Variants in PER1 observed in about 807,000 individuals in gnomAD.
The protein encoded by PER1 is period circadian regulator 1.
A neutral mutation model predicts 125.9 loss-of-function variants in PER1; 87 were observed. The observed-to-expected ratio is 0.69, with a 90% CI of 0.58 to 0.83. The LOEUF is 0.83. Ranked by LOEUF, PER1 falls within the 40% of genes least tolerant of loss-of-function variation. PER1 has a pLI of 0.00. For missense variants in PER1, 1,775 were observed against 1,722.8 expected, an observed-to-expected ratio of 1.03 and a Z score of -0.54; for synonymous variants, 801 against 714.7, an observed-to-expected ratio of 1.12 and a Z score of -1.93.
rs1340335798 is a variant in PER1 at position 8,141,814 on chromosome 17, A to G, written c.3591T>C (p.Leu1197=). 3.1e-6 allele frequency: 5 copies of G among 1,600,352 alleles called. No homozygotes were observed. Among genetic ancestry groups the G allele is most frequent in the Non-Finnish European group, 8.5e-7 (1 of 1,173,660 alleles). Residue 1197 remains leucine (L), a synonymous_variant, in exon 22 of 23, where the codon CTT becomes CTC. Transcript: ENST00000317276. ...CCCAGGCTTCTCTCACCATCACATC[A>G]AGAGCCCGAGGCAGTTGGCCCTTCC... is the stretch of plus-strand genomic sequence containing the variant. ...WVRKGQLPRA[L]DVMACVDCGS...
intron 17 of PER1, 107 bp downstream of exon 17, chr17:8,145,851 G>A: frequency 1.4e-5 from 18 of 1,281,100 alleles, no homozygotes; most frequent in Non-Finnish European, 1.9e-5. Flanking sequence ...GTCAAGGGAG[G>A]CCTCCTTCTC....
chr17:8,151,221 G>A (rs1046947738), intron 1 of PER1, among the ~76,000 whole-genome samples: 1 of 152,230 alleles, frequency 6.6e-6, no homozygotes, highest in Admixed American at 6.5e-5. Context: ...AGGCCTCCAG[G>A]CTAATTTTAT....
At chr17:8,148,148 G>T in intron 9 of PER1, 33 bp downstream of exon 9, 1 of 1,612,000 alleles carries the variant, frequency 6.2e-7, no homozygotes, top group Non-Finnish European at 8.5e-7. Context: ...CTCAGCCCTG[G>T]CTGCCCTCGT....
chr17:8,151,592 C>A (rs1982867225), intron 1 of PER1, among the ~76,000 whole-genome samples: 2 of 152,192 alleles, frequency 1.3e-5, no homozygotes, highest in Admixed American at 6.5e-5. Flanking sequence ...AAAAGCCCCT[C>A]AACCTGACTC....
rs1982015460 is a variant in PER1, at chr17:8,140,507, CAG to C, written c.*559_*560del. On this transcript the variant is annotated 3_prime_UTR_variant, in exon 23 of 23. Transcript: ENST00000317276. The stretch of plus-strand genomic sequence containing the variant: ...TCTTTTTGTATTAAAAAAGTAGTAA[CAG>C]ACACAAATATCAAAAACACAAATGC... The C allele has an allele frequency of 4.8e-6, 1 of 208,306 alleles. No individual in the cohort carries two copies. Among genetic ancestry groups the C allele is most frequent in the Non-Finnish European group, 9.8e-6 (1 of 102,058 alleles). The allele number at this position is 208,306 out of a possible 1,614,324, so 12.9% of individuals were successfully genotyped here. A position where few individuals can be genotyped will look rare whatever the true frequency, so the allele number is the denominator to read the frequency against.
chr17:8,150,147 AAG>A (rs1415930206), intron 3 of PER1, 22 bp from the exon 4 acceptor site: 2 of 1,612,528 alleles, frequency 1.2e-6, no homozygotes, highest in East Asian at 2.2e-5. Flanking sequence ...ACAGGGAAGA[AAG>A]AGATAAAGAC....
In PER1 at chr17:8,150,581, G is replaced by A. The variant is rs144136840; in HGVS notation, c.126C>T (p.Ala42=). 8.7e-6 allele frequency: 14 copies of A among 1,613,952 alleles called. No homozygotes were observed. The highest frequency in any genetic ancestry group is 4.5e-5 in the East Asian group (2 of 44,896). ...QHRPCPGPSL[A]DDTDANSNGS... is the part of the protein sequence containing the mutation. The stretch of plus-strand genomic sequence containing the variant: ...CATTGCTGTTGGCATCGGTGTCATC[G>A]GCCAGGCTGGGGCCTGGGCAAGGCC... The change falls in exon 2 of 23, where the codon GCC becomes GCT. Residue 42 remains alanine (A), a synonymous_variant. Coordinates refer to ENST00000317276, the MANE Select transcript of PER1 (RefSeq NM_002616.3).
chr17:8,148,353 G>T, intron 8 of PER1, 94 bp from the exon 9 acceptor site: 1 of 1,079,750 alleles, frequency 9.3e-7, no homozygotes, highest in Non-Finnish European at 1.4e-6. Context: ...CTGATGATCT[G>T]CCACACAGCT....
Position 8,150,443 on chromosome 17 carries a change from C to A in PER1, c.264G>T (p.Glu88Asp). Residue 88 changes from glutamate to aspartate, a missense_variant, in exon 2 of 23, where the codon GAG (glutamate) becomes GAT (aspartate). Physicochemically the swap from Glu to Asp is conservative, Grantham distance 45. Transcript: ENST00000317276. ...GKDSALLETT[E>D]SSKSTNSQSP... ...ACATCCATACACACCTCTTGCTGCT[C>A]TCAGTGGTCTCCAGCAGGGCTGAGT... is the stretch of plus-strand genomic sequence containing the variant. 1 of 1,611,728 alleles carries A rather than the reference C, an allele frequency of 6.2e-7. No individual in the cohort carries two copies. The highest frequency in any genetic ancestry group is 8.5e-7 in the Non-Finnish European group (1 of 1,178,676).
chr17:8,149,941 G>T, intron 4 of PER1, 30 bp downstream of exon 4: 1 of 1,613,948 alleles, frequency 6.2e-7, no homozygotes. Flanking sequence ...CCCAGGCCCA[G>T]GCCATTCCCT....
rs60114926 is a variant in PER1 at position 8,151,043 on chromosome 17, G to A, written c.-139-198C>T. On this transcript the variant is annotated intron_variant, in intron 1 of 22. Transcript: ENST00000317276. ...GACTGCCAGCGGGAGAAGGTTCTCCGGGGCCTTCCTTCACATCCCCTGCCA... is the reference window on the plus strand; with the variant it reads ...GACTGCCAGCGGGAGAAGGTTCTCCAGGGCCTTCCTTCACATCCCCTGCCA... 7.7e-3 allele frequency among the ~76,000 whole-genome samples: 1,166 copies of A among 152,244 alleles called. 22 individuals are homozygous for A. The highest frequency in any genetic ancestry group is 0.026 in the African/African-American group (1,100 of 41,548).
Position 8,147,247 on chromosome 17 carries a change from C to T in PER1, c.1629+3G>A. On this transcript the variant is annotated splice_donor_region_variant and intron_variant, in intron 13 of 22. Transcript: ENST00000317276. ...GAGGGTGAGGTAGGAGCAGGTCACTCACTGGCGCAGGAGGCCCAGGCCCCT... is the reference window on the plus strand; with the variant it reads ...GAGGGTGAGGTAGGAGCAGGTCACTTACTGGCGCAGGAGGCCCAGGCCCCT... 6.2e-7 allele frequency: 1 copy of T among 1,603,984 alleles called. No homozygotes were observed. The highest frequency in any genetic ancestry group is 8.5e-7 in the Non-Finnish European group (1 of 1,175,288).
Position 8,146,070 on chromosome 17 carries a change from G to A in PER1, c.2106C>T (p.Thr702=). 4 of 1,613,872 alleles carry A rather than the reference G, an allele frequency of 2.5e-6. No individual in the cohort carries two copies. The highest frequency in any genetic ancestry group is 3.4e-6 in the Non-Finnish European group (4 of 1,179,962). The part of the protein sequence containing the change: ...TPRKEPVVGG[T]LSPLALANKA... ...TATTGGCCAGGGCGAGCGGGCTCAG[G>A]GTGCCTCCCACCACTGGCTCCTTCC... is the stretch of plus-strand genomic sequence containing the variant. Residue 702 remains threonine (T), a synonymous_variant, in exon 17 of 23, where the codon ACC becomes ACT. Coordinates refer to ENST00000317276, the MANE Select transcript of PER1 (RefSeq NM_002616.3).
rs1310803500 is a variant in PER1 at position 8,141,070 on chromosome 17, A to G, written c.3871T>C (p.Ter1291GlnextTer41). ...TGGAGATGGTCCCAGAATGGAGTCT[A>G]GCTGGTGCAGTTTCCTGCTGTAGGT... ...ALPTAGNCTS[*>Q] The change falls in exon 23 of 23, where the codon TAG becomes CAG. Residue 1291 changes from the stop codon to glutamine, a stop_lost. Coordinates refer to ENST00000317276, the MANE Select transcript of PER1 (RefSeq NM_002616.3). The G allele has an allele frequency of 6.2e-7, 1 of 1,611,260 alleles. No homozygotes were observed. The highest frequency in any genetic ancestry group is 8.5e-7 in the Non-Finnish European group (1 of 1,178,058).
chr17:8,149,163 T>G (rs1982658478), intron 7 of PER1, 96 bp downstream of exon 7: 2 of 1,137,882 alleles, frequency 1.8e-6, no homozygotes, highest in Non-Finnish European at 2.6e-6. Context: ...CAGTCCAGCC[T>G]GGGTGACAGA....
chr17:8,151,491 G>T (rs915316745), intron 1 of PER1, among the ~76,000 whole-genome samples: 2 of 152,144 alleles, frequency 1.3e-5, no homozygotes, highest in African/African-American at 2.4e-5. Flanking sequence ...AGGATGGCTC[G>T]GTGGCCGTAA....
intron 19 of PER1, 93 bp downstream of exon 19, chr17:8,143,173 C>A (rs112263484): frequency 1.0e-6 from 1 of 979,326 alleles, no homozygotes; most frequent in Non-Finnish European, 1.5e-6. Flanking sequence ...GAGGCTGAGA[C>A]GCCAGCCTGG....
chr17:8,147,089 G>A, intron 13 of PER1, 87 bp from the exon 14 acceptor site: 1 of 1,402,734 alleles, frequency 7.1e-7, no homozygotes, highest in Non-Finnish European at 1.0e-6. Context: ...GAAGGTACCA[G>A]TGGGGAGGCA....
In PER1 at chr17:8,149,668, C is replaced by T. The variant is rs1260866623; in HGVS notation, c.652-5G>A. 6.2e-7 allele frequency: 1 copy of T among 1,609,564 alleles called. No individual in the cohort carries two copies. The highest frequency in any genetic ancestry group is 1.1e-5 in the South Asian group (1 of 91,028). ...GACAGCCACTGAGAAGGTATCCTGG[C>T]AGGAGGGGGAGAGCAAGAGCAGATT... On this transcript the variant is annotated splice_polypyrimidine_tract_variant and splice_region_variant and intron_variant, in intron 5 of 22. Coordinates refer to ENST00000317276, the MANE Select transcript of PER1 (RefSeq NM_002616.3).
Sources: gnomAD v4.1 joint callset for allele counts (sites outside exome capture counted in the v4.1 genomes callset) on GRCh38, gnomAD v4.1.1 for gene constraint, MANE v1.5 for transcripts, NCBI Gene and HGNC (gene_info 2026-07-23, HGNC 2026-07-21) for gene names.